Variants in CLIC4 observed in about 807,000 individuals in gnomAD.
CLIC4 encodes chloride intracellular channel protein 4.
In CLIC4, 13 loss-of-function variants were observed where a neutral mutation model predicts 24.6. The observed-to-expected ratio is 0.53, with a 90% CI of 0.34 to 0.84. The LOEUF is 0.84. Among genes scored for constraint, CLIC4 ranks in the 40% least tolerant of loss-of-function variants. The pLI, the probability that CLIC4 is intolerant of heterozygous loss-of-function variation, is 0.01. For missense variants in CLIC4, 227 were observed against 301.7 expected (o/e 0.75, Z 1.83); for synonymous variants, 104 against 111.3 (o/e 0.93, Z 0.41).
In CLIC4 at chr1:24,843,877, T is replaced by C. The variant is rs1233917651; in HGVS notation, c.*2940T>C. On this transcript the variant is annotated 3_prime_UTR_variant, in exon 6 of 6. Transcript: ENST00000374379. The stretch of plus-strand genomic sequence containing the variant: ...TTAGAAAATAACTACAAAGTAAAAA[T>C]GTAGAGGAAATAGAAATGTATTTTT... The C allele has an allele frequency of 1.3e-5, 2 of 152,610 alleles. No homozygotes were observed. Among genetic ancestry groups the C allele is most frequent in the Non-Finnish European group, 2.9e-5 (2 of 68,006 alleles). The allele number at this position is 152,610 out of a possible 1,614,324, so 9.5% of individuals were successfully genotyped here. A position where few individuals can be genotyped will look rare whatever the true frequency, so the allele number is the denominator to read the frequency against.
chr1:24,836,508 CTCAA>C (rs1310741676), intron 4 of CLIC4, among the ~76,000 whole-genome samples: 5 of 152,226 alleles, frequency 3.3e-5, no homozygotes, highest in African/African-American at 4.8e-5. Flanking sequence ...AGGAATGTTT[CTCAA>C]TCAAAGAAAA....
intron 1 of CLIC4, among the ~76,000 whole-genome samples, chr1:24,770,856 T>A (rs1456031738): frequency 6.6e-6 from 1 of 152,202 alleles, no homozygotes; most frequent in Non-Finnish European, 1.5e-5. Context: ...CTTGGTTTAT[T>A]CCATTTTTAA....
chr1:24,823,687 T>C (rs1557813318), intron 3 of CLIC4, among the ~76,000 whole-genome samples: 1 of 148,126 alleles, frequency 6.8e-6, no homozygotes, highest in East Asian at 2.0e-4. Flanking sequence ...GGCAGGAGAA[T>C]CGCTTGAAAC....
At chr1:24,773,221 T>G (rs907348364) in intron 1 of CLIC4, among the ~76,000 whole-genome samples, 2 of 152,192 alleles carry the variant, frequency 1.3e-5, no homozygotes, top group African/African-American at 4.8e-5. Flanking sequence ...AAAGGGAAAA[T>G]TGGATTTTTG....
chr1:24,783,644 A>G (rs907445902), intron 1 of CLIC4, among the ~76,000 whole-genome samples: 1 of 152,204 alleles, frequency 6.6e-6, no homozygotes, highest in African/African-American at 2.4e-5. Flanking sequence ...TGGAGGTTGC[A>G]GTGAGTTGAG....
chr1:24,775,224 CTTTTTTTT>C, intron 1 of CLIC4, among the ~76,000 whole-genome samples: 941 of 90,716 alleles, frequency 0.01, 15 homozygotes, highest in African/African-American at 0.035. Flanking sequence ...TTCTTTCTTT[CTTTTTTTT>C]TTTTTTTTTT....
chr1:24,827,288 C>T (rs1437717031), intron 4 of CLIC4, among the ~76,000 whole-genome samples, 172 bp downstream of exon 4: 1 of 152,164 alleles, frequency 6.6e-6, no homozygotes, highest in African/African-American at 2.4e-5. Context: ...GAATAAGTCC[C>T]TATGTTGCTA....
In CLIC4 at chr1:24,843,055, A is replaced by G. The variant is rs992979449; in HGVS notation, c.*2118A>G. On this transcript the variant is annotated 3_prime_UTR_variant, in exon 6 of 6. Transcript: ENST00000374379. ...TGATGAAAATTCATTTTGAAACTCA[A>G]ATATTTTCATTTTGGATATTCTCCT... 1 of 152,176 alleles carries G rather than the reference A, an allele frequency of 6.6e-6. No homozygotes were observed. Among genetic ancestry groups the G allele is most frequent in the African/African-American group, 2.4e-5 (1 of 41,444 alleles). The allele number at this position is 152,176 out of a possible 1,614,324, so 9.4% of individuals were successfully genotyped here. A position where few individuals can be genotyped will look rare whatever the true frequency, so the allele number is the denominator to read the frequency against.
intron 1 of CLIC4, among the ~76,000 whole-genome samples, chr1:24,760,297 C>T (rs536278599): frequency 6.6e-6 from 1 of 151,596 alleles, no homozygotes; most frequent in Non-Finnish European, 1.5e-5. Context: ...ACCTGGGAGG[C>T]GGAGGTTGCA....
At chr1:24,777,273 C>T (rs762151320) in intron 1 of CLIC4, among the ~76,000 whole-genome samples, 8 of 152,162 alleles carry the variant, frequency 5.3e-5, no homozygotes, top group African/African-American at 1.2e-4. Flanking sequence ...AGGCCAGGCA[C>T]GGTGGCTCAC....
chr1:24,789,472 C>T (rs1414893136), intron 1 of CLIC4, among the ~76,000 whole-genome samples: 1 of 152,154 alleles, frequency 6.6e-6, no homozygotes, highest in African/African-American at 2.4e-5. Context: ...GAGCCGTGAT[C>T]GCGCCATTGC....
intron 2 of CLIC4, among the ~76,000 whole-genome samples, chr1:24,809,775 T>A (rs1639593520): frequency 6.6e-6 from 1 of 152,194 alleles, no homozygotes; most frequent in South Asian, 2.1e-4. Context: ...TTCTTTATTT[T>A]ATTCAAATTC....
At chr1:24,821,723 TG>T (rs1163913396) in intron 3 of CLIC4, among the ~76,000 whole-genome samples, 10 of 152,092 alleles carry the variant, frequency 6.6e-5, no homozygotes, top group Admixed American at 6.5e-4. Flanking sequence ...GGCTAATTTT[TG>T]TATTTTTTTT....
intron 2 of CLIC4, 80 bp downstream of exon 2, chr1:24,797,931 A>T: frequency 1.1e-6 from 1 of 916,334 alleles, no homozygotes; most frequent in Non-Finnish European, 1.7e-6. Context: ...TTGATGGCAC[A>T]TATTCTCTAA....
chr1:24,800,333 G>A (rs1639470534), intron 2 of CLIC4, among the ~76,000 whole-genome samples: 2 of 122,826 alleles, frequency 1.6e-5, no homozygotes, highest in Admixed American at 7.5e-5. Flanking sequence ...CGCCCCGTCC[G>A]GGAGGGAGGT....
chr1:24,785,975 A>G (rs1639263574), intron 1 of CLIC4, among the ~76,000 whole-genome samples: 1 of 152,168 alleles, frequency 6.6e-6, no homozygotes, highest in Non-Finnish European at 1.5e-5. Context: ...AGTCTAAATC[A>G]AAGCAACCAT....
chr1:24,753,761 C>A (rs1557793487), intron 1 of CLIC4, among the ~76,000 whole-genome samples: 1 of 152,112 alleles, frequency 6.6e-6, no homozygotes, highest in Non-Finnish European at 1.5e-5. Context: ...GGATTGCTGT[C>A]TGTTTAATAA....
chr1:24,746,775 G>T (rs1459142827), intron 1 of CLIC4, among the ~76,000 whole-genome samples: 3 of 152,168 alleles, frequency 2.0e-5, no homozygotes, highest in Admixed American at 2.0e-4. Flanking sequence ...TTCGGAGGCC[G>T]AGGTGGGAGG....
intron 1 of CLIC4, among the ~76,000 whole-genome samples, chr1:24,784,663 G>GATTCAT (rs1639243094): frequency 6.6e-6 from 1 of 152,198 alleles, no homozygotes; most frequent in Non-Finnish European, 1.5e-5. Flanking sequence ...TGCTGAGTAA[G>GATTCAT]GAAATGGTAG....
Sources: allele counts gnomAD v4.1 joint callset (sites outside exome capture counted in the v4.1 genomes callset), GRCh38; gene constraint gnomAD v4.1.1; transcripts MANE v1.5; gene names NCBI Gene and HGNC (gene_info 2026-07-23, HGNC 2026-07-21).